Variants in CLEC16A observed in about 807,000 individuals in gnomAD.
CLEC16A encodes protein CLEC16A.
CLEC16A carries 51 observed loss-of-function variants against 109.5 expected under a neutral mutation model. The observed-to-expected ratio is 0.47, with a 90% CI of 0.37 to 0.59. The LOEUF is 0.59. CLEC16A is among the 20% of genes least tolerant of loss of function. The pLI is 0.00. For missense variants in CLEC16A, 1,339 were observed against 1,394.0 expected (o/e 0.96, Z 0.63); for synonymous variants, 673 against 564.2 (o/e 1.19, Z -2.73).
Position 11,179,592 on chromosome 16 carries a change from C to T in CLEC16A, c.*902C>T, listed in dbSNP as rs1260769650. The stretch of plus-strand genomic sequence containing the variant: ...TCTCTTCACCAAAACCAAACAGAGA[C>T]AGCTTCCAGCACCTTCTTCAGTGTT... On this transcript the variant is annotated 3_prime_UTR_variant, in exon 24 of 24. Coordinates refer to ENST00000409790, the MANE Select transcript of CLEC16A (RefSeq NM_015226.3). 2 of 152,254 alleles carry T rather than the reference C, an allele frequency of 1.3e-5. No homozygotes were observed. The highest frequency in any genetic ancestry group is 2.9e-5 in the Non-Finnish European group (2 of 68,058). The allele number at this position is 152,254 out of a possible 1,614,324, so 9.4% of individuals were successfully genotyped here.
chr16:11,043,558 C>G (rs1462236249), intron 15 of CLEC16A, among the ~76,000 whole-genome samples: 4 of 152,172 alleles, frequency 2.6e-5, no homozygotes, highest in Non-Finnish European at 5.9e-5. Context: ...CCTTTCCTCT[C>G]TCTCTCATTA....
intron 10 of CLEC16A, among the ~76,000 whole-genome samples, chr16:10,984,427 G>A (rs898092535): frequency 1.3e-5 from 2 of 152,072 alleles, no homozygotes; most frequent in African/African-American, 4.8e-5. Context: ...TCTTTCTTTG[G>A]GCCAAGTATC....
At chr16:11,049,672 A>G (rs1219589908) in intron 17 of CLEC16A, among the ~76,000 whole-genome samples, 1 of 152,208 alleles carries the variant, frequency 6.6e-6, no homozygotes, top group Non-Finnish European at 1.5e-5. Flanking sequence ...TGCTGTACCA[A>G]AGTCAGACCA....
At chr16:11,076,259 G>A (rs1276432193) in intron 19 of CLEC16A, among the ~76,000 whole-genome samples, 2 of 152,104 alleles carry the variant, frequency 1.3e-5, no homozygotes, top group Non-Finnish European at 2.9e-5. Flanking sequence ...CCAGTCATAC[G>A]GAGCTCAAGA....
rs1215554206 is a variant in CLEC16A at position 11,105,697 on chromosome 16, C to T, written c.2117-14918C>T. 1.3e-5 allele frequency among the ~76,000 whole-genome samples: 2 copies of T among 152,234 alleles called. 1 individual carries two copies. Among genetic ancestry groups the T allele is most frequent in the East Asian group, 3.8e-4 (2 of 5,202 alleles). On this transcript the variant is annotated intron_variant, in intron 19 of 23. Transcript: ENST00000409790. ...CCTGTGGGTACCTGAGATTGAGGCA[C>T]CCAGCCTCCCCAAGCCTTCAGCTCC...
chr16:11,170,387 G>C (rs1597625985), intron 23 of CLEC16A, among the ~76,000 whole-genome samples: 1 of 152,362 alleles, frequency 6.6e-6, no homozygotes, highest in Non-Finnish European at 1.5e-5. Context: ...ACATGAGGCA[G>C]TGAAACCAGC....
chr16:11,092,629 G>C (rs1214017697), intron 19 of CLEC16A, among the ~76,000 whole-genome samples: 1 of 152,174 alleles, frequency 6.6e-6, no homozygotes, highest in Non-Finnish European at 1.5e-5. Context: ...TGCAAATACA[G>C]ATTTGAACAT....
intron 22 of CLEC16A, among the ~76,000 whole-genome samples, chr16:11,157,801 T>C (rs1330322598): frequency 6.6e-6 from 1 of 152,204 alleles, no homozygotes; most frequent in Non-Finnish European, 1.5e-5. Context: ...GTGGGTAGTT[T>C]GGGCCCTGTG....
intron 22 of CLEC16A, among the ~76,000 whole-genome samples, chr16:11,147,849 A>C (rs1379969373): frequency 6.6e-6 from 1 of 152,206 alleles, no homozygotes; most frequent in Admixed American, 6.5e-5. Flanking sequence ...AAGCAGTCCA[A>C]ATGTAAAAAA....
chr16:11,015,453 G>A (rs904059961), intron 11 of CLEC16A, among the ~76,000 whole-genome samples: 2 of 152,172 alleles, frequency 1.3e-5, no homozygotes, highest in African/African-American at 4.8e-5. Context: ...ACCAGACGGT[G>A]GTTTTCAAGC....
intron 22 of CLEC16A, among the ~76,000 whole-genome samples, chr16:11,145,460 T>C (rs2054012588): frequency 6.6e-6 from 1 of 152,254 alleles, no homozygotes; most frequent in Non-Finnish European, 1.5e-5. Flanking sequence ...CTGTCAGCTC[T>C]ACCTGGGAGA....
intron 19 of CLEC16A, among the ~76,000 whole-genome samples, chr16:11,108,174 C>T (rs924141796): frequency 6.6e-6 from 1 of 152,280 alleles, no homozygotes; most frequent in Non-Finnish European, 1.5e-5. Flanking sequence ...AGGCTGCTGA[C>T]TGGTCTTGCT....
chr16:11,158,571 C>T (rs2054613290), intron 22 of CLEC16A, among the ~76,000 whole-genome samples: 1 of 152,150 alleles, frequency 6.6e-6, no homozygotes, highest in Admixed American at 6.5e-5. Context: ...AAAAGCCCCC[C>T]ACCTCCAGAG....
intron 19 of CLEC16A, among the ~76,000 whole-genome samples, chr16:11,115,260 G>A (rs1257219105): frequency 6.6e-6 from 1 of 150,558 alleles, no homozygotes; most frequent in Non-Finnish European, 1.5e-5. Flanking sequence ...GGAAAGGAGA[G>A]GAGGGGGAAG....
chr16:11,071,160 T>C (rs11860603), intron 19 of CLEC16A: 61,197 of 152,034 alleles, frequency 0.4, 13,489 homozygotes, highest in African/African-American at 0.6. Context: ...ACTGTCAGTC[T>C]GTGAAAATGT....
chr16:11,125,892 G>A, intron 21 of CLEC16A, 87 bp from the exon 22 acceptor site: 1 of 891,924 alleles, frequency 1.1e-6, no homozygotes, highest in South Asian at 1.5e-5. Context: ...CAGGGCCACA[G>A]CCACTACGAT....
intron 19 of CLEC16A, among the ~76,000 whole-genome samples, chr16:11,099,599 A>G (rs1356861461): frequency 6.6e-6 from 1 of 152,222 alleles, no homozygotes; most frequent in African/African-American, 2.4e-5. Flanking sequence ...TCAGGAAACA[A>G]GAAAGGCAAG....
At chr16:10,959,241 G>C (rs1030903778) in intron 2 of CLEC16A, among the ~76,000 whole-genome samples, 2 of 152,156 alleles carry the variant, frequency 1.3e-5, no homozygotes, top group Admixed American at 6.5e-5. Context: ...ATTTTCATCA[G>C]CAAGGTTATC....
Position 11,020,330 on chromosome 16 carries a change from C to T in CLEC16A, c.1436+5C>T, listed in dbSNP as rs1183266499. ...TGAGAGCACGCAATGGAGCAGGTAG[C>T]TGCCCGAGAGGTCGATGCTGAGTGC... On this transcript the variant is annotated splice_donor_5th_base_variant and intron_variant, in intron 12 of 23. Coordinates refer to ENST00000409790, the MANE Select transcript of CLEC16A (RefSeq NM_015226.3). 6.2e-7 allele frequency: 1 copy of T among 1,605,514 alleles called. No homozygotes were observed. Among genetic ancestry groups the T allele is most frequent in the Non-Finnish European group, 8.5e-7 (1 of 1,176,024 alleles).
Sources: allele counts gnomAD v4.1 joint callset (sites outside exome capture counted in the v4.1 genomes callset), GRCh38; gene constraint gnomAD v4.1.1; transcripts MANE v1.5; gene names NCBI Gene and HGNC (gene_info 2026-07-23, HGNC 2026-07-21).